The following CHRM5 variants were observed in gnomAD, a reference collection of about 807,000 sequenced individuals.
CHRM5 encodes muscarinic acetylcholine receptor M5.
A neutral mutation model predicts 39.0 loss-of-function variants in CHRM5; 18 were observed. The ratio of observed to expected loss-of-function variants is 0.46; its 90% CI spans 0.32 to 0.68. The LOEUF (loss-of-function observed/expected upper bound fraction) is 0.68, where lower values mean the gene tolerates loss of function less well. Among genes scored for constraint, CHRM5 ranks in the 30% least tolerant of loss-of-function variants. The pLI, the probability that CHRM5 is intolerant of heterozygous loss-of-function variation, is 0.04. For synonymous variants in CHRM5, 241 were observed against 246.3 expected (o/e 0.98, Z 0.20); for missense variants, 515 against 651.1 (o/e 0.79, Z 2.28).
At chr15:34,025,542 T>C (rs2140735384) in intron 1 of CHRM5, among the ~76,000 whole-genome samples, 1 of 152,306 alleles carries the variant, frequency 6.6e-6, no homozygotes, top group Non-Finnish European at 1.5e-5. Context: ...AAGGACGTTA[T>C]TGGGTCATCT....
intron 1 of CHRM5, among the ~76,000 whole-genome samples, chr15:34,026,911 GA>G (rs1898499765): frequency 6.6e-6 from 1 of 152,094 alleles, no homozygotes; most frequent in Non-Finnish European, 1.5e-5. Flanking sequence ...ACGTATAATA[GA>G]ATTAAAGAGT....
chr15:34,014,907 A>G (rs1178621695), intron 1 of CHRM5, among the ~76,000 whole-genome samples: 1 of 152,302 alleles, frequency 6.6e-6, no homozygotes, highest in East Asian at 1.9e-4. Flanking sequence ...GCAGAAGAGG[A>G]ATAATAAAAG....
chr15:34,014,391 C>CAAA (rs1332707712), intron 1 of CHRM5, among the ~76,000 whole-genome samples: 2 of 30,922 alleles, frequency 6.5e-5, no homozygotes, highest in African/African-American at 1.2e-4. Context: ...AAAACAAAAA[C>CAAA]AAAAACCACG....
At chr15:33,969,301 T>C (rs978476497) in intron 1 of CHRM5, among the ~76,000 whole-genome samples, 151 bp downstream of exon 1, 1 of 152,106 alleles carries the variant, frequency 6.6e-6, no homozygotes, top group Non-Finnish European at 1.5e-5. Flanking sequence ...TTTTTACTTA[T>C]GCTGCATAAA....
At chr15:33,980,506 T>C (rs1429351752) in intron 1 of CHRM5, among the ~76,000 whole-genome samples, 1 of 152,324 alleles carries the variant, frequency 6.6e-6, no homozygotes, top group East Asian at 1.9e-4. Flanking sequence ...GATGGCCATA[T>C]ATGACATGAG....
Position 34,039,210 on chromosome 15 carries a change from G to A in CHRM5, c.-407-7330G>A, listed in dbSNP as rs938685358. The A allele has an allele frequency of 1.9e-4, 88 of 463,302 alleles. 1 individual carries two copies. In the African/African-American group the frequency reaches 1.9e-3, roughly 10 times the overall value. 28.7% of individuals were successfully genotyped at this position (463,302 alleles called of 1,614,324 possible). On this transcript the variant is annotated intron_variant, in intron 1 of 2. Transcript: ENST00000383263. ...GGATCGAGGCCGGCCGCAGCGGAGCGGGGCGGGGCGGGGCGGCCGGCGTCC... is the reference window on the plus strand; with the variant it reads ...GGATCGAGGCCGGCCGCAGCGGAGCAGGGCGGGGCGGGGCGGCCGGCGTCC...
intron 1 of CHRM5, among the ~76,000 whole-genome samples, chr15:33,975,207 T>C (rs981670748): frequency 1.2e-4 from 18 of 152,164 alleles, no homozygotes; most frequent in Non-Finnish European, 2.5e-4. Flanking sequence ...GATATGTTTG[T>C]TGTAATTGTT....
At position 34,064,056 on chromosome 15, in the gene CHRM5, A is replaced by T; in HGVS notation, c.1339A>T (p.Ile447Phe). Residue 447 changes from isoleucine to phenylalanine, a missense_variant, in exon 3 of 3, where the codon ATT becomes TTT. Coordinates refer to ENST00000383263, the MANE Select transcript of CHRM5 (RefSeq NM_012125.4). ...GAAAGCAGCCCAGACACTGAGTGCCATTCTCCTGGCCTTCATCATCACATG... is the reference window on the plus strand; with the variant it reads ...GAAAGCAGCCCAGACACTGAGTGCCTTTCTCCTGGCCTTCATCATCACATG... ...ERKAAQTLSAILLAFIITWTP... is the reference protein window; with the variant it reads ...ERKAAQTLSAFLLAFIITWTP... 6.2e-7 allele frequency: 1 copy of T among 1,614,186 alleles called. No homozygotes were observed. Among genetic ancestry groups the T allele is most frequent in the Non-Finnish European group, 8.5e-7 (1 of 1,180,038 alleles).
In CHRM5 at chr15:34,065,885, T is replaced by G. The variant is rs543624; in HGVS notation, c.*1569T>G. On this transcript the variant is annotated 3_prime_UTR_variant, in exon 3 of 3. Coordinates refer to ENST00000383263, the MANE Select transcript of CHRM5 (RefSeq NM_012125.4). ...TAAAAATCACCAGACTTCATGCGTC[T>G]TAGTGTAGGCCGGGTCCTTTTCAGT... 1 of 151,888 alleles carries G rather than the reference T, an allele frequency of 6.6e-6. No homozygotes were observed. The highest frequency in any genetic ancestry group is 6.6e-5 in the Admixed American group (1 of 15,236). The allele number at this position is 151,888 out of a possible 1,614,324, so 9.4% of individuals were successfully genotyped here.
At chr15:34,040,879 G>A (rs180820566) in intron 1 of CHRM5, among the ~76,000 whole-genome samples, 1 of 148,440 alleles carries the variant, frequency 6.7e-6, no homozygotes, top group East Asian at 2.0e-4. Context: ...TTGTACATGG[G>A]CAACAGAAGG....
chr15:33,989,450 TAA>T (rs568555472), intron 1 of CHRM5, among the ~76,000 whole-genome samples: 29 of 142,412 alleles, frequency 2.0e-4, no homozygotes, highest in African/African-American at 2.3e-4. Flanking sequence ...GTTTGGAGTT[TAA>T]AAAAAAAAAA....
At chr15:34,043,684 A>T (rs1276236886) in intron 1 of CHRM5, among the ~76,000 whole-genome samples, 2 of 152,206 alleles carry the variant, frequency 1.3e-5, no homozygotes, top group Admixed American at 6.5e-5. Flanking sequence ...TGGAGTCATG[A>T]TTAGAGAACT....
At chr15:33,972,383 C>A (rs1895675296) in intron 1 of CHRM5, 2 of 151,934 alleles carry the variant, frequency 1.3e-5, no homozygotes, top group South Asian at 4.1e-4. Context: ...AGAAAGAGAT[C>A]CCTAAATATA....
chr15:33,978,721 G>A (rs1408180473), intron 1 of CHRM5, among the ~76,000 whole-genome samples: 2 of 151,896 alleles, frequency 1.3e-5, no homozygotes, highest in South Asian at 2.1e-4. Flanking sequence ...GTACAAATTC[G>A]TCCCCAGGCA....
chr15:34,036,966 G>A lies in CHRM5; in HGVS notation c.-407-9574G>A, dbSNP rs545173993. Among the ~76,000 whole-genome samples the A allele has an allele frequency of 8.4e-4, 128 of 151,994 alleles. 1 individual carries two copies. In the Middle Eastern group the frequency reaches 0.024, roughly 28 times the overall value. Reference sequence around the variant, plus strand: ...CTCTATTAAAAATACAAAATTAGCCGGGCAAGGTGGCTCATGCCTGTAATC... The same window carrying A: ...CTCTATTAAAAATACAAAATTAGCCAGGCAAGGTGGCTCATGCCTGTAATC... On this transcript the variant is annotated intron_variant, in intron 1 of 2. Coordinates refer to ENST00000383263, the MANE Select transcript of CHRM5 (RefSeq NM_012125.4).
intron 1 of CHRM5, among the ~76,000 whole-genome samples, chr15:33,992,389 C>A (rs1223639554): frequency 6.1e-5 from 9 of 147,610 alleles, no homozygotes; most frequent in Non-Finnish European, 7.5e-5. Flanking sequence ...GACTCCGTCT[C>A]AAAAAAAAAG....
At chr15:34,016,269 C>T (rs1285653302) in intron 1 of CHRM5, among the ~76,000 whole-genome samples, 1 of 151,934 alleles carries the variant, frequency 6.6e-6, no homozygotes, top group Non-Finnish European at 1.5e-5. Flanking sequence ...CGGAAAGCAA[C>T]TTATCTCTCC....
At chr15:34,034,926 T>G (rs947738008) in intron 1 of CHRM5, among the ~76,000 whole-genome samples, 4 of 152,220 alleles carry the variant, frequency 2.6e-5, no homozygotes, top group Admixed American at 2.6e-4. Context: ...GTCATTTCAG[T>G]TTGAGCTTTT....
At chr15:34,028,047 T>C (rs1242980980) in intron 1 of CHRM5, among the ~76,000 whole-genome samples, 2 of 151,974 alleles carry the variant, frequency 1.3e-5, no homozygotes, top group African/African-American at 4.8e-5. Flanking sequence ...AAGGCAGAGG[T>C]GTAAATTTCC....
Sources: allele counts gnomAD v4.1 joint callset (sites outside exome capture counted in the v4.1 genomes callset), GRCh38; gene constraint gnomAD v4.1.1; transcripts MANE v1.5; gene names NCBI Gene and HGNC (gene_info 2026-07-23, HGNC 2026-07-21).